SCN1A: variants seen among roughly 807,000 people sequenced by gnomAD.
The protein encoded by SCN1A is sodium voltage-gated channel alpha subunit 1, also known as sodium channel protein type 1 subunit alpha.
In SCN1A, 13 loss-of-function variants were observed where a neutral mutation model predicts 193.7. The ratio of observed to expected loss-of-function variants is 0.07; its 90% CI spans 0.04 to 0.11. The LOEUF (loss-of-function observed/expected upper bound fraction) is 0.11. Ranked by LOEUF, SCN1A falls within the 10% of genes least tolerant of loss-of-function variation. The pLI is 1.00. For synonymous variants in SCN1A, 781 were observed against 843.6 expected (o/e 0.93, Z 1.29); for missense variants, 1,432 against 2,451.1 (o/e 0.58, Z 8.78).
chr2:166,067,089 G>A (rs1208075015), intron 4 of SCN1A, among the ~76,000 whole-genome samples: 1 of 151,858 alleles, frequency 6.6e-6, no homozygotes, highest in Non-Finnish European at 1.5e-5. Context: ...CCTTATAGAG[G>A]CACACAATTT....
intron 4 of SCN1A, among the ~76,000 whole-genome samples, chr2:166,071,130 T>C: frequency 6.6e-6 from 1 of 152,208 alleles, no homozygotes. Flanking sequence ...AATTTCTGCC[T>C]GGAACACATC....
intron 25 of SCN1A, 55 bp from the exon 26 acceptor site, chr2:165,998,230 G>A: frequency 1.4e-6 from 2 of 1,438,246 alleles, no homozygotes; most frequent in Admixed American, 1.8e-5. Context: ...TGCTGGAAAT[G>A]TCACTGGTGC....
At chr2:166,042,236 G>A (rs1574208028) in intron 15 of SCN1A, 56 bp downstream of exon 15, 1 of 1,545,212 alleles carries the variant, frequency 6.5e-7, no homozygotes, top group East Asian at 2.3e-5. Context: ...TGTTTGAAAT[G>A]AGACAATATA....
intron 2 of SCN1A, among the ~76,000 whole-genome samples, chr2:166,085,839 C>A (rs1373341122): frequency 1.3e-5 from 2 of 152,024 alleles, no homozygotes; most frequent in Non-Finnish European, 2.9e-5. Context: ...TAAGCAAAGG[C>A]ATATTATCTG....
chr2:166,013,546 T>G (rs1328707136), intron 21 of SCN1A, among the ~76,000 whole-genome samples, 198 bp downstream of exon 21: 1 of 151,554 alleles, frequency 6.6e-6, no homozygotes, highest in African/African-American at 2.4e-5. Flanking sequence ...AATGATTAGC[T>G]TCTTAAAATT....
intron 25 of SCN1A, among the ~76,000 whole-genome samples, chr2:165,998,463 G>A (rs186616511): frequency 6.6e-6 from 1 of 150,706 alleles, no homozygotes; most frequent in African/African-American, 2.4e-5. Flanking sequence ...AGCTTTTAAG[G>A]TACTGAATTT....
upstream of SCN1A, among the ~76,000 whole-genome samples, chr2:166,132,863 C>G (rs1005756909): frequency 1.8e-4 from 27 of 152,170 alleles, no homozygotes; most frequent in Middle Eastern, 6.8e-3. Context: ...TGAATCAGAG[C>G]TGCTATAGGC....
intron 2 of SCN1A, among the ~76,000 whole-genome samples, chr2:166,117,367 G>A (rs1689982941): frequency 6.6e-6 from 1 of 152,072 alleles, no homozygotes; most frequent in Non-Finnish European, 1.5e-5. Context: ...TGTACTTAAT[G>A]GTATAGATTA....
chr2:166,036,070 G>A lies in SCN1A; in HGVS notation c.3407C>T (p.Ser1136Leu), dbSNP rs746718015. 1.5e-5 allele frequency: 25 copies of A among 1,613,488 alleles called. No homozygotes were observed. Among genetic ancestry groups the A allele is most frequent in the South Asian group, 2.2e-5 (2 of 91,018 alleles). Residue 1136 changes from serine (S) to leucine (L), a missense_variant, in exon 19 of 29, where the codon TCG becomes TTG. Ser to Leu is a moderately radical substitution (Grantham distance 145, BLOSUM62 -2). Coordinates refer to ENST00000674923, the MANE Select transcript of SCN1A (RefSeq NM_001165963.4). ...TACCTCTTTGCTTTCTTCCAGATCC[G>A]ATTCACTACTAAAGTCTTCCGTGTT... ...NLNTEDFSSE[S>L]DLEESKEKLN...
chr2:166,059,642 A>G (rs1443640566), intron 4 of SCN1A: 1 of 152,192 alleles, frequency 6.6e-6, no homozygotes, highest in Non-Finnish European at 1.5e-5. Flanking sequence ...AGGAAATTTT[A>G]AGCTTCTTGA....
intron 24 of SCN1A, among the ~76,000 whole-genome samples, chr2:166,000,340 A>G (rs1015022419): frequency 1.3e-5 from 2 of 151,754 alleles, no homozygotes; most frequent in Admixed American, 1.3e-4. Flanking sequence ...GCATCAAAAC[A>G]TTTAGAAATA....
rs1359001108 is a variant in SCN1A, at chr2:166,099,507, G to T, written c.-141-21706C>A. On this transcript the variant is annotated intron_variant, in intron 2 of 28. Coordinates refer to ENST00000674923, the MANE Select transcript of SCN1A (RefSeq NM_001165963.4). ...ATTCAACATAGTGTTGGAAGTTCTGGCCAGGGCAATTAGGCAGGAGAAGGA... is the reference window on the plus strand; with the variant it reads ...ATTCAACATAGTGTTGGAAGTTCTGTCCAGGGCAATTAGGCAGGAGAAGGA... Among the ~76,000 whole-genome samples the T allele has an allele frequency of 1.8e-3, 253 of 144,068 alleles. 1 individual carries two copies. Among genetic ancestry groups the T allele is most frequent in the African/African-American group, 5.9e-3 (226 of 38,176 alleles). The allele number at this position is 144,068 out of a possible 152,430, so 94.5% of individuals were successfully genotyped here. A position where few individuals can be genotyped will look rare whatever the true frequency, so the allele number is the denominator to read the frequency against.
At position 165,994,379 on chromosome 2, in the gene SCN1A, C is replaced by G; in HGVS notation, c.4619G>C (p.Arg1540Thr). Residue 1540 changes from arginine (R) to threonine (T), a missense_variant, in exon 28 of 29, where the codon AGA becomes ACA. Arg to Thr is a moderately conservative substitution (Grantham distance 71). Coordinates refer to ENST00000674923, the MANE Select transcript of SCN1A (RefSeq NM_001165963.4). ...CATGATGCTTATGTCAAAAACTTGT[C>G]TGGTTACGAAGTCAAAGACCATTCC... The part of the protein sequence containing the change: ...FQGMVFDFVT[R>T]QVFDISIMIL... 6.2e-7 allele frequency: 1 copy of G among 1,612,886 alleles called. No individual in the cohort carries two copies. The highest frequency in any genetic ancestry group is 8.5e-7 in the Non-Finnish European group (1 of 1,179,314).
At chr2:166,048,573 T>G (rs555427325) in intron 10 of SCN1A, among the ~76,000 whole-genome samples, 3 of 152,172 alleles carry the variant, frequency 2.0e-5, no homozygotes, top group Admixed American at 1.3e-4. Flanking sequence ...ATGATGTATA[T>G]GTACCACATT....
intron 2 of SCN1A, among the ~76,000 whole-genome samples, chr2:166,122,685 T>C (rs548958327): frequency 1.3e-5 from 2 of 151,546 alleles, no homozygotes; most frequent in East Asian, 3.9e-4. Context: ...AACAAAAGAG[T>C]AATGCTGAAC....
At chr2:166,011,536 C>G (rs986096643) in intron 22 of SCN1A, among the ~76,000 whole-genome samples, 2 of 151,218 alleles carry the variant, frequency 1.3e-5, no homozygotes, top group Admixed American at 6.6e-5. Flanking sequence ...TCCCTACACT[C>G]TACATACCTT....
rs1258112692 is a variant in SCN1A at position 166,002,419 on chromosome 2, TTTG to T, written c.4284+50_4284+52del. 2.0e-5 allele frequency: 30 copies of T among 1,524,050 alleles called. No homozygotes were observed. The African/African-American group carries it at 2.8e-4, about 14-fold the overall frequency. 94.4% of individuals were successfully genotyped at this position (1,524,050 alleles called of 1,614,324 possible). On this transcript the variant is annotated intron_variant, in intron 24 of 28. Coordinates refer to ENST00000674923, the MANE Select transcript of SCN1A (RefSeq NM_001165963.4). The stretch of plus-strand genomic sequence containing the variant: ...CTAAATAATAGATGTATGTCATTAT[TTTG>T]TTATTATTCCAAACAATAAAAATAT...
intron 25 of SCN1A, 25 bp downstream of exon 25, chr2:165,999,698 G>A (rs764736407): frequency 3.9e-6 from 6 of 1,520,180 alleles, no homozygotes; most frequent in Non-Finnish European, 5.5e-6. Context: ...ATTGTAAAAA[G>A]ACTTAGAATA....
At chr2:166,012,356 A>G (rs1256236349) in intron 21 of SCN1A, 74 bp from the exon 22 acceptor site, 8 of 1,165,124 alleles carry the variant, frequency 6.9e-6, no homozygotes, top group Non-Finnish European at 1.0e-5. Context: ...AAAATTAATC[A>G]TATGCATATG....
Sources: gnomAD v4.1 joint callset for allele counts (sites outside exome capture counted in the v4.1 genomes callset) on GRCh38, gnomAD v4.1.1 for gene constraint, MANE v1.5 for transcripts, NCBI Gene and HGNC (gene_info 2026-07-23, HGNC 2026-07-21) for gene names.